The following GNAS variants were observed in gnomAD, a reference collection of about 807,000 sequenced individuals.
GNAS encodes protein ALEX.
Under a neutral mutation model 54.5 loss-of-function variants are expected in GNAS, and 8 were observed. The observed-to-expected ratio is 0.15, with a 90% confidence interval of 0.09 to 0.26. The LOEUF (loss-of-function observed/expected upper bound fraction) is 0.26, where lower values mean the gene tolerates loss of function less well. Among genes scored for constraint, GNAS ranks in the 10% least tolerant of loss-of-function variants. The pLI is 1.00. For missense variants in GNAS, 170 were observed against 529.8 expected, an observed-to-expected ratio of 0.32 and a Z score of 6.67; for synonymous variants, 204 against 191.4, an observed-to-expected ratio of 1.07 and a Z score of -0.54.
chr20:58,879,292 A>T (rs1316014037), intron 1 of GNAS, among the ~76,000 whole-genome samples: 1 of 152,224 alleles, frequency 6.6e-6, no homozygotes, highest in Non-Finnish European at 1.5e-5. Flanking sequence ...ATATAACCTT[A>T]AAAAGATCCA....
intron 3 of GNAS, chr20:58,899,611 A>G (rs1053462183): frequency 1.7e-6 from 1 of 589,592 alleles, no homozygotes; most frequent in African/African-American, 1.9e-5. Context: ...ATTCATTATC[A>G]AATTATTTTT....
upstream of GNAS, chr20:58,840,147 G>T (rs548132075): frequency 9.3e-6 from 15 of 1,611,396 alleles, no homozygotes; most frequent in Admixed American, 6.7e-5. This position sits in a 1 kb window ranked among gnomAD's most constrained non-coding sequence, Gnocchi z 6.0. Context: ...CGCCGAGCTC[G>T]CCATAATTAC....
chr20:58,904,146 A>C (rs1046316509), intron 5 of GNAS, among the ~76,000 whole-genome samples: 1 of 152,194 alleles, frequency 6.6e-6, no homozygotes, highest in Non-Finnish European at 1.5e-5. Context: ...GGCAGGCTTA[A>C]TTATTCCCTC....
At chr20:58,855,925 C>T (rs2086478767) in intron 1 of GNAS, 1 of 409,494 alleles carries the variant, frequency 2.4e-6, no homozygotes, top group African/African-American at 2.0e-5. Flanking sequence ...TTGTGGTTTG[C>T]GCCATGGCCC....
intron 1 of GNAS, among the ~76,000 whole-genome samples, chr20:58,892,969 T>C (rs1329216858): frequency 6.8e-6 from 1 of 148,052 alleles, no homozygotes; most frequent in African/African-American, 2.5e-5. Flanking sequence ...TGAGAGTGCT[T>C]TGTGAAAAGA....
At chr20:58,869,001 C>T (rs538542354) in intron 1 of GNAS, among the ~76,000 whole-genome samples, 1 of 152,340 alleles carries the variant, frequency 6.6e-6, no homozygotes, top group East Asian at 1.9e-4. Flanking sequence ...TTCCCAAGGA[C>T]ACGGCCCCTG....
chr20:58,860,715 G>A (rs1053711230), intron 1 of GNAS, among the ~76,000 whole-genome samples: 28 of 152,176 alleles, frequency 1.8e-4, no homozygotes, highest in Non-Finnish European at 1.2e-4. Flanking sequence ...AGGCTGGAGT[G>A]CAGTGGTACT....
chr20:58,861,642 G>A (rs1048698604), intron 1 of GNAS, among the ~76,000 whole-genome samples: 2 of 152,168 alleles, frequency 1.3e-5, no homozygotes, highest in African/African-American at 2.4e-5. Flanking sequence ...AGGAAGGCAC[G>A]AATATAAATT....
At position 58,841,840 on chromosome 20, in the gene GNAS, C is replaced by T. The variant is rs1473995939; in HGVS notation, c.43+954C>T. The stretch of plus-strand genomic sequence containing the variant: ...GACGTCCTGGGCTGTTTGCGCAGGA[C>T]CTCTGGAGGCCCTCGAGATCGTCGC... On this transcript the variant is annotated intron_variant, in intron 1 of 12. Transcript: ENST00000306090. The surrounding 1 kb of genome is among the most constrained non-coding windows in gnomAD (Gnocchi z 5.0). The T allele has an allele frequency of 8.1e-7, 1 of 1,230,862 alleles. No homozygotes were observed. Among genetic ancestry groups the T allele is most frequent in the African/African-American group, 1.6e-5 (1 of 64,430 alleles). 76.2% of individuals were successfully genotyped at this position (1,230,862 alleles called of 1,614,324 possible).
At chr20:58,879,237 C>T (rs542311890) in intron 1 of GNAS, among the ~76,000 whole-genome samples, 3 of 152,268 alleles carry the variant, frequency 2.0e-5, no homozygotes, top group African/African-American at 7.2e-5. Context: ...AAAAGCAAGC[C>T]TCCAAGCCAC....
intron 1 of GNAS, 135 bp downstream of exon 1, chr20:58,892,000 T>A: frequency 1.4e-6 from 1 of 725,490 alleles, no homozygotes; most frequent in Non-Finnish European, 1.7e-6. Context: ...GCTCTGTCTG[T>A]GGGGGGCGAG....
upstream of GNAS, chr20:58,889,342 C>T: frequency 1.0e-6 from 1 of 985,854 alleles, no homozygotes; most frequent in Non-Finnish European, 1.2e-6. Context: ...TGTGAGTGCA[C>T]CTCACTCACA....
intron 6 of GNAS, among the ~76,000 whole-genome samples, chr20:58,907,421 G>T (rs896490791): frequency 6.6e-6 from 1 of 152,074 alleles, no homozygotes; most frequent in Admixed American, 6.5e-5. Flanking sequence ...TTATAGTAAC[G>T]CAAAACAAAT....
rs200163406 is a variant in GNAS at position 58,891,754 on chromosome 20, G to C, written c.28G>C (p.Glu10Gln). Residue 10 changes from glutamate to glutamine, a missense_variant, in exon 1 of 13, where the codon GAG becomes CAG. This residue lies in a region of GNAS where 56 missense variants were observed against 55.7 expected (regional missense o/e 1.01). Coordinates refer to ENST00000371085, the MANE Select transcript of GNAS (RefSeq NM_000516.7). MGCLGNSKT[E>Q]DQRNEEKAQR... ...GGGCTGCCTCGGGAACAGTAAGACC[G>C]AGGACCAGCGCAACGAGGAGAAGGC... The C allele has an allele frequency of 8.0e-7, 1 of 1,256,654 alleles. No individual in the cohort carries two copies. Among genetic ancestry groups the C allele is most frequent in the Non-Finnish European group, 1.0e-6 (1 of 960,612 alleles). 77.8% of individuals were successfully genotyped at this position (1,256,654 alleles called of 1,614,324 possible).
intron 6 of GNAS, chr20:58,908,854 C>T: frequency 4.4e-6 from 2 of 450,828 alleles, no homozygotes; most frequent in Non-Finnish European, 8.1e-6. Flanking sequence ...AAGAACAAAG[C>T]CCCACCACCG....
chr20:58,908,075 C>G (rs1014416783), intron 6 of GNAS, among the ~76,000 whole-genome samples: 1 of 152,190 alleles, frequency 6.6e-6, no homozygotes, highest in Non-Finnish European at 1.5e-5. Flanking sequence ...AGTATATCCT[C>G]TAAGCCAGAC....
chr20:58,845,015 C>G (rs997998145), intron 1 of GNAS, among the ~76,000 whole-genome samples: 1 of 142,716 alleles, frequency 7.0e-6, no homozygotes, highest in East Asian at 2.3e-4. Context: ...TCCTGAGAGT[C>G]GTATTTAGTG....
At chr20:58,847,153 C>T (rs577765738) in intron 1 of GNAS, among the ~76,000 whole-genome samples, 2 of 152,352 alleles carry the variant, frequency 1.3e-5, no homozygotes, top group Admixed American at 6.5e-5. Context: ...TGCTGAGCTA[C>T]AGCTAATTAG....
rs1354538908 is a variant in GNAS at position 58,853,476 on chromosome 20, C to A, written c.43+12590C>A. The A allele has an allele frequency of 6.2e-7, 1 of 1,612,836 alleles. No individual in the cohort carries two copies. Among genetic ancestry groups the A allele is most frequent in the East Asian group, 2.2e-5 (1 of 44,850 alleles). On this transcript the variant is annotated intron_variant, in intron 1 of 12. Transcript: ENST00000306090. The surrounding 1 kb of genome is among the most constrained non-coding windows in gnomAD (Gnocchi z 4.4). ...GAATGATGGCGAGGCCTGTGGACCC[C>A]CAGAGGTCTCCAGACCCAACTTTCA... is the stretch of plus-strand genomic sequence containing the variant.
Sources: gnomAD v4.1 joint callset for allele counts (sites outside exome capture counted in the v4.1 genomes callset) on GRCh38, gnomAD v4.1.1 for gene constraint, gnomAD v4.1.1 regional missense constraint, Gnocchi (gnomAD v3.1) non-coding constraint, MANE v1.5 for transcripts, NCBI Gene and HGNC (gene_info 2026-07-23, HGNC 2026-07-21) for gene names.